The following BMP2K variants were observed in gnomAD, a reference collection of about 807,000 sequenced individuals.
The protein encoded by BMP2K is BMP-2-inducible protein kinase.
A neutral mutation model predicts 116.0 loss-of-function variants in BMP2K; 74 were observed. The ratio of observed to expected loss-of-function variants is 0.64; its 90% CI spans 0.53 to 0.77. BMP2K has a LOEUF of 0.77. BMP2K is among the 30% of genes least tolerant of loss of function. BMP2K has a pLI of 0.00. For missense variants in BMP2K, 1,365 were observed against 1,403.6 expected, an observed-to-expected ratio of 0.97 and a Z score of 0.44; for synonymous variants, 486 against 502.5, an observed-to-expected ratio of 0.97 and a Z score of 0.44.
At chr4:78,797,631 T>C (rs970829057) in intron 1 of BMP2K, among the ~76,000 whole-genome samples, 2 of 152,320 alleles carry the variant, frequency 1.3e-5, no homozygotes, top group Middle Eastern at 3.4e-3. Flanking sequence ...TCCAGAAATA[T>C]AGTGTGTCTT....
Position 78,911,266 on chromosome 4 carries a change from G to T in BMP2K, c.2719G>T (p.Val907Leu), listed in dbSNP as rs1734580253. 2 of 1,613,874 alleles carry T rather than the reference G, an allele frequency of 1.2e-6. No individual in the cohort carries two copies. The highest frequency in any genetic ancestry group is 1.3e-5 in the African/African-American group (1 of 74,928). The stretch of plus-strand genomic sequence containing the variant: ...CACAAAGGCGCCTTTTAGCAAGAAG[G>T]TGAATGTACAAGAATGCCATGCAGT... ...VFTKAPFSKK[V>L]NVQECHAVGP... Residue 907 changes from valine (V) to leucine (L), a missense_variant, in exon 16 of 16, where the codon GTG becomes TTG. This residue lies in a region of BMP2K where 596 missense variants were observed against 623.2 expected (regional missense o/e 0.96). Coordinates refer to ENST00000502613, the MANE Select transcript of BMP2K (RefSeq NM_198892.2).
chr4:78,885,564 G>C (rs1402867240), intron 14 of BMP2K, among the ~76,000 whole-genome samples: 1 of 152,126 alleles, frequency 6.6e-6, no homozygotes, highest in African/African-American at 2.4e-5. Context: ...GTCATTTTTA[G>C]GGAATTCCAA....
intron 15 of BMP2K, 129 bp from the exon 16 acceptor site, chr4:78,910,481 A>C: frequency 2.6e-6 from 2 of 775,132 alleles, no homozygotes; most frequent in Non-Finnish European, 4.0e-6. Context: ...AATTGACAAC[A>C]TTATTTTTTC....
At chr4:78,860,651 A>G (rs924489530) in intron 8 of BMP2K, among the ~76,000 whole-genome samples, 1 of 151,610 alleles carries the variant, frequency 6.6e-6, no homozygotes, top group African/African-American at 2.4e-5. Flanking sequence ...ATCATCACTG[A>G]TTATAAGCCA....
At chr4:78,837,958 T>C (rs1327446861) in intron 3 of BMP2K, among the ~76,000 whole-genome samples, 1 of 152,144 alleles carries the variant, frequency 6.6e-6, no homozygotes, top group African/African-American at 2.4e-5. Context: ...AGTTTTAAAT[T>C]TTTTTCTTTT....
chr4:78,870,182 T>C (rs192150894), intron 10 of BMP2K, among the ~76,000 whole-genome samples: 2 of 152,366 alleles, frequency 1.3e-5, no homozygotes, highest in African/African-American at 4.8e-5. Flanking sequence ...ACAGTGTTAA[T>C]AGATCCATTA....
intron 1 of BMP2K, among the ~76,000 whole-genome samples, chr4:78,805,833 C>T (rs929433574): frequency 1.3e-4 from 19 of 151,770 alleles, no homozygotes; most frequent in African/African-American, 3.4e-4. Context: ...TAGCCGGGCA[C>T]GGTGGCGGGC....
chr4:78,908,157 GA>G lies in BMP2K; in HGVS notation c.2063-2451del, dbSNP rs1318635857. On this transcript the variant is annotated intron_variant, in intron 15 of 15. Coordinates refer to ENST00000502613, the MANE Select transcript of BMP2K (RefSeq NM_198892.2). ...CATGTAGCTCTTGGCTGGTTTTAAG[GA>G]ACTGACAGAAGATTATATTTGCAAT... Among the ~76,000 whole-genome samples the G allele has an allele frequency of 2.0e-5, 3 of 152,248 alleles. No homozygotes were observed. In the East Asian group the frequency reaches 5.8e-4, roughly 29 times the overall value.
At chr4:78,891,773 C>T (rs1733452780) in intron 15 of BMP2K, among the ~76,000 whole-genome samples, 1 of 152,096 alleles carries the variant, frequency 6.6e-6, no homozygotes, top group Non-Finnish European at 1.5e-5. Flanking sequence ...AAATTATTTT[C>T]TTCCCAGAGA....
At chr4:78,807,859 C>T (rs115970039) in intron 1 of BMP2K, among the ~76,000 whole-genome samples, 2,881 of 151,996 alleles carry the variant, frequency 0.019, 85 homozygotes, top group African/African-American at 0.062. Flanking sequence ...ACAGTAATAT[C>T]CCCTTTTTAT....
intron 7 of BMP2K, among the ~76,000 whole-genome samples, chr4:78,852,231 A>T (rs149604981): frequency 2.1e-4 from 32 of 152,092 alleles, no homozygotes; most frequent in African/African-American, 7.5e-4. Context: ...TACTACTGAT[A>T]ATTTTAGATC....
intron 1 of BMP2K, among the ~76,000 whole-genome samples, chr4:78,795,653 A>C (rs1728220888): frequency 6.6e-6 from 1 of 152,150 alleles, no homozygotes; most frequent in Non-Finnish European, 1.5e-5. Flanking sequence ...ACAAAGGGCT[A>C]ATATCCAGAA....
In BMP2K at chr4:78,878,867, A is replaced by C; in HGVS notation, c.1927A>C (p.Arg643=). 1 of 1,612,920 alleles carries C rather than the reference A, an allele frequency of 6.2e-7. No homozygotes were observed. The highest frequency in any genetic ancestry group is 1.1e-5 in the South Asian group (1 of 90,764). Residue 643 remains arginine, a synonymous_variant, in exon 14 of 16, where the codon AGA becomes CGA. Coordinates refer to ENST00000502613, the MANE Select transcript of BMP2K (RefSeq NM_198892.2). Reference sequence around the variant, plus strand: ...GTTAACAGAAGAGGAACTATTGGACAGAGAATTTGACCTTCTAAGATCAAG... The same window carrying C: ...GTTAACAGAAGAGGAACTATTGGACCGAGAATTTGACCTTCTAAGATCAAG... ...SKLTEEELLD[R]EFDLLRSNRL... is the part of the protein sequence containing the mutation.
At chr4:78,868,120 G>A (rs1300714352) in intron 10 of BMP2K, among the ~76,000 whole-genome samples, 1 of 152,090 alleles carries the variant, frequency 6.6e-6, no homozygotes, top group South Asian at 2.1e-4. Flanking sequence ...GTATTAGTTC[G>A]TTTTCATGCT....
intron 15 of BMP2K, among the ~76,000 whole-genome samples, chr4:78,905,382 A>G (rs1734234565): frequency 6.6e-6 from 1 of 151,956 alleles, no homozygotes. Context: ...TCATTCTACC[A>G]TATTTAGTTA....
At chr4:78,859,385 C>G in intron 7 of BMP2K, 199 bp from the exon 8 acceptor site, 1 of 392,796 alleles carries the variant, frequency 2.5e-6, no homozygotes, top group Admixed American at 4.4e-5. Context: ...TGTGATTGAT[C>G]TACCCTTAGC....
At position 78,815,011 on chromosome 4, in the gene BMP2K, T is replaced by G. The variant is rs538023319; in HGVS notation, c.179-11026T>G. Among the ~76,000 whole-genome samples the G allele has an allele frequency of 2.0e-5, 3 of 152,250 alleles. No individual in the cohort carries two copies. The South Asian group carries it at 6.2e-4, about 32-fold the overall frequency. ...GGAAATTGGATGAACACTCCAACTT[T>G]AAGAGCAATGAATGAAATTAGATGA... On this transcript the variant is annotated intron_variant, in intron 1 of 15. Transcript: ENST00000502613.
At chr4:78,816,959 A>C (rs946260097) in intron 1 of BMP2K, among the ~76,000 whole-genome samples, 3 of 152,236 alleles carry the variant, frequency 2.0e-5, no homozygotes, top group African/African-American at 7.2e-5. Context: ...AGGAAGTCTA[A>C]TTGTATGGAC....
intron 15 of BMP2K, among the ~76,000 whole-genome samples, chr4:78,891,052 T>C (rs1458764126): frequency 6.6e-6 from 1 of 152,066 alleles, no homozygotes; most frequent in Non-Finnish European, 1.5e-5. Context: ...AAATACAAAA[T>C]AAACTTTGCT....
Sources: allele counts gnomAD v4.1 joint callset (sites outside exome capture counted in the v4.1 genomes callset), GRCh38; gene constraint gnomAD v4.1.1; regional missense constraint gnomAD v4.1.1; transcripts MANE v1.5; gene names NCBI Gene and HGNC (gene_info 2026-07-23, HGNC 2026-07-21).